The following SLC15A1 variants were observed in gnomAD, a reference collection of about 807,000 sequenced individuals.
SLC15A1 encodes the protein Caco-2 oligopeptide transporter.
SLC15A1 carries 83 observed loss-of-function variants against 92.9 expected under a neutral mutation model. The ratio of observed to expected loss-of-function variants is 0.89; its 90% CI spans 0.75 to 1.07. The LOEUF (loss-of-function observed/expected upper bound fraction) is 1.07. Among genes scored for constraint, SLC15A1 ranks in the 50% least tolerant of loss-of-function variants. The pLI is 0.00. For missense variants in SLC15A1, 857 were observed against 880.1 expected (o/e 0.97, Z 0.33); for synonymous variants, 322 against 318.2 (o/e 1.01, Z -0.13).
chr13:98,711,795 G>A, intron 11 of SLC15A1, 59 bp downstream of exon 11: 1 of 1,237,814 alleles, frequency 8.1e-7, no homozygotes. Context: ...CTTGGTACCT[G>A]GCAGTGCGGG....
intron 1 of SLC15A1, among the ~76,000 whole-genome samples, chr13:98,728,996 A>C (rs1443165863): frequency 1.4e-4 from 20 of 146,374 alleles, no homozygotes; most frequent in Non-Finnish European, 1.8e-4. Flanking sequence ...AAAAAAAAAA[A>C]AAAAAAAAAA....
At chr13:98,729,455 G>A (rs1040726306) in intron 1 of SLC15A1, among the ~76,000 whole-genome samples, 1 of 152,170 alleles carries the variant, frequency 6.6e-6, no homozygotes, top group Non-Finnish European at 1.5e-5. Context: ...AATGATGCTG[G>A]TCTGGGGACT....
rs4646233 is a variant in SLC15A1 at position 98,684,545 on chromosome 13, C to CAAAAAAAAAA, written c.*169_*178dup. ...GGACAACAAGAGCAAAACTCTGTCT[C>CAAAAAAAAAA]AAAAAAAAAAAAAAAAAAAAAAAGA... On this transcript the variant is annotated 3_prime_UTR_variant, in exon 23 of 23. Coordinates refer to ENST00000376503, the MANE Select transcript of SLC15A1 (RefSeq NM_005073.4). The CAAAAAAAAAA allele has an allele frequency of 3.0e-4, 58 of 193,318 alleles. No homozygotes were observed. The highest frequency in any genetic ancestry group is 8.9e-4 in the South Asian group (9 of 10,080). The allele number at this position is 193,318 out of a possible 1,614,324, so 12.0% of individuals were successfully genotyped here.
intron 1 of SLC15A1, among the ~76,000 whole-genome samples, chr13:98,740,759 T>A (rs2088437454): frequency 6.6e-6 from 1 of 152,158 alleles, no homozygotes. Context: ...TCACTGTCAC[T>A]GCCCTGAGGA....
At chr13:98,726,320 G>A (rs763790728) in intron 3 of SLC15A1, 48 bp downstream of exon 3, 15 of 1,613,546 alleles carry the variant, frequency 9.3e-6, no homozygotes, top group African/African-American at 2.7e-5. Flanking sequence ...ACTGGTTATG[G>A]CCACTCCCGC....
intron 17 of SLC15A1, among the ~76,000 whole-genome samples, chr13:98,702,860 G>C (rs2139573314): frequency 6.6e-6 from 1 of 150,834 alleles, no homozygotes; most frequent in South Asian, 2.1e-4. Context: ...ACGTGGGAGG[G>C]AGAATCATTT....
chr13:98,707,535 T>G (rs961706960), intron 15 of SLC15A1, among the ~76,000 whole-genome samples: 2 of 152,110 alleles, frequency 1.3e-5, no homozygotes, highest in Admixed American at 1.3e-4. Flanking sequence ...GAATTTCAGT[T>G]TTGTAAGATG....
rs2088281129 is a variant in SLC15A1, at chr13:98,724,166, T to C, written c.246-135A>G. ...AATACACTTATTTCTCAAACTTGAG[T>C]AACACTGTTAACTCTCAGGAACTCA... On this transcript the variant is annotated intron_variant, in intron 4 of 22. Transcript: ENST00000376503. 13 of 1,126,494 alleles carry C rather than the reference T, an allele frequency of 1.2e-5. 1 individual carries two copies. The highest frequency in any genetic ancestry group is 3.0e-5 in the South Asian group (2 of 66,918). The allele number at this position is 1,126,494 out of a possible 1,614,324, so 69.8% of individuals were successfully genotyped here.
At chr13:98,734,986 G>A (rs992233419) in intron 1 of SLC15A1, among the ~76,000 whole-genome samples, 27 of 152,182 alleles carry the variant, frequency 1.8e-4, no homozygotes, top group Admixed American at 1.6e-3. Context: ...CATTTTATGA[G>A]GCCAGCATCA....
chr13:98,689,873 C>A (rs1362531284), intron 18 of SLC15A1, among the ~76,000 whole-genome samples: 1 of 152,176 alleles, frequency 6.6e-6, no homozygotes, highest in Admixed American at 6.5e-5. Flanking sequence ...ACTTCCAGGT[C>A]CAAGGCTTCC....
intron 18 of SLC15A1, among the ~76,000 whole-genome samples, chr13:98,701,427 T>A (rs1264913104): frequency 6.6e-6 from 1 of 152,152 alleles, no homozygotes; most frequent in East Asian, 1.9e-4. Context: ...TGTGAGCTTC[T>A]TTTGGTACAG....
intron 9 of SLC15A1, 132 bp from the exon 10 acceptor site, chr13:98,712,716 A>G (rs2088174182): frequency 1.7e-6 from 1 of 600,804 alleles, no homozygotes; most frequent in East Asian, 2.8e-5. Flanking sequence ...TGTATCTACT[A>G]GTATATGAGT....
chr13:98,716,338 G>A (rs2088210952), intron 8 of SLC15A1, among the ~76,000 whole-genome samples: 1 of 152,108 alleles, frequency 6.6e-6, no homozygotes, highest in Non-Finnish European at 1.5e-5. Flanking sequence ...GACAATAAAT[G>A]GGGCCAGGCG....
At position 98,723,983 on chromosome 13, in the gene SLC15A1, G is replaced by A; in HGVS notation, c.294C>T (p.Thr98=). 6.2e-7 allele frequency: 1 copy of A among 1,614,160 alleles called. No individual in the cohort carries two copies. The highest frequency in any genetic ancestry group is 8.5e-7 in the Non-Finnish European group (1 of 1,180,014). ...TGAGGTCATTAATGGAGCTTACTGA[G>A]GTGACTGCTTGTCCAATTGTGTAGA... ...SIVYTIGQAV[T]SVSSINDLTD... is the part of the protein sequence containing the mutation. The change falls in exon 5 of 23, where the codon ACC becomes ACT. Residue 98 remains threonine (T), a synonymous_variant. Coordinates refer to ENST00000376503, the MANE Select transcript of SLC15A1 (RefSeq NM_005073.4).
At chr13:98,749,489 G>A (rs1336043937) in intron 1 of SLC15A1, among the ~76,000 whole-genome samples, 2 of 152,196 alleles carry the variant, frequency 1.3e-5, no homozygotes, top group African/African-American at 4.8e-5. Flanking sequence ...ATAAGGGAGT[G>A]AGGTGGGGTG....
intron 1 of SLC15A1, among the ~76,000 whole-genome samples, chr13:98,727,641 G>A (rs529449853): frequency 7.2e-5 from 11 of 152,114 alleles, no homozygotes; most frequent in Admixed American, 6.6e-5. Flanking sequence ...TCCCCATCCC[G>A]TCAGCACCTG....
chr13:98,729,883 G>C (rs775746591), intron 1 of SLC15A1, among the ~76,000 whole-genome samples: 4 of 152,054 alleles, frequency 2.6e-5, no homozygotes, highest in Admixed American at 6.5e-5. Flanking sequence ...GCTCGGCGTG[G>C]CCCCAGGGGC....
chr13:98,697,107 G>A (rs1370362494), intron 18 of SLC15A1, among the ~76,000 whole-genome samples: 1 of 152,110 alleles, frequency 6.6e-6, no homozygotes, highest in East Asian at 1.9e-4. Context: ...CCAGGCTGGA[G>A]TGCAGTGCCG....
At chr13:98,696,686 G>A (rs1157082318) in intron 18 of SLC15A1, among the ~76,000 whole-genome samples, 1 of 152,156 alleles carries the variant, frequency 6.6e-6, no homozygotes, top group Non-Finnish European at 1.5e-5. Flanking sequence ...AGCTGTGTAT[G>A]AGCACGTGTG....
Sources: allele counts gnomAD v4.1 joint callset (sites outside exome capture counted in the v4.1 genomes callset), GRCh38; gene constraint gnomAD v4.1.1; transcripts MANE v1.5; gene names NCBI Gene and HGNC (gene_info 2026-07-23, HGNC 2026-07-21).